Variants in MYOM1 observed in about 807,000 individuals in gnomAD.
MYOM1 encodes the protein myomesin-1.
In MYOM1, 164 loss-of-function variants were observed where a neutral mutation model predicts 205.3. The ratio of observed to expected loss-of-function variants is 0.80; its 90% CI spans 0.70 to 0.91. MYOM1 has a LOEUF of 0.91. Ranked by LOEUF, MYOM1 falls within the 40% of genes least tolerant of loss-of-function variation. The probability of loss-of-function intolerance (pLI) is 0.00; values close to 1 mark genes in which losing one functional copy is unlikely to be tolerated. For missense variants in MYOM1, 2,011 were observed against 2,127.3 expected, an observed-to-expected ratio of 0.95 and a Z score of 1.08; for synonymous variants, 772 against 789.4, an observed-to-expected ratio of 0.98 and a Z score of 0.37.
At chr18:3,202,837 A>G (rs759218879) in intron 2 of MYOM1, among the ~76,000 whole-genome samples, 8 of 152,084 alleles carry the variant, frequency 5.3e-5, no homozygotes, top group Non-Finnish European at 7.4e-5. Flanking sequence ...TGAGTACTTT[A>G]CCCAAGGACG....
At chr18:3,094,637 CTTTTGGTTGGT>C (rs1467072921) in intron 25 of MYOM1, among the ~76,000 whole-genome samples, 1 of 151,432 alleles carries the variant, frequency 6.6e-6, no homozygotes, top group Non-Finnish European at 1.5e-5. Flanking sequence ...TCTACTGTGG[CTTTTGGTTGGT>C]GTTTTTTCTT....
In MYOM1 at chr18:3,135,325, G is replaced by A. The variant is rs1461182765; in HGVS notation, c.2209+222C>T. The A allele has an allele frequency of 4.4e-6, 2 of 456,110 alleles. No individual in the cohort carries two copies. Among genetic ancestry groups the A allele is most frequent in the East Asian group, 3.6e-5 (1 of 27,756 alleles). The allele number at this position is 456,110 out of a possible 1,614,324, so 28.3% of individuals were successfully genotyped here. ...ATAAACTAAATGTCCATGAACTTCA[G>A]AAAAAACACATTATCAATATTGTTG... On this transcript the variant is annotated intron_variant, in intron 15 of 37. Coordinates refer to ENST00000356443, the MANE Select transcript of MYOM1 (RefSeq NM_003803.4). The surrounding 1 kb of genome is among the most constrained non-coding windows in gnomAD (Gnocchi z 4.1).
At chr18:3,170,140 T>G (rs1020814703) in intron 8 of MYOM1, among the ~76,000 whole-genome samples, 1 of 152,180 alleles carries the variant, frequency 6.6e-6, no homozygotes, top group Non-Finnish European at 1.5e-5. Flanking sequence ...TACCAGAGGC[T>G]GGGAACTGTA....
In MYOM1 at chr18:3,187,585, T is replaced by G. The variant is rs1347252993; in HGVS notation, c.824A>C (p.His275Pro). The change falls in exon 5 of 38, where the codon CAT (histidine) becomes CCT (proline). Residue 275 changes from histidine (H) to proline (P), a missense_variant. Coordinates refer to ENST00000356443, the MANE Select transcript of MYOM1 (RefSeq NM_003803.4). ...HAKLNEDHLL[H>P]APEFIIKPRS... ...AGGTTTAATGATAAACTCAGGAGCA[T>G]GGAGAAGATGGTCTTCATTCAGCTT... The G allele has an allele frequency of 1.2e-6, 2 of 1,613,502 alleles. No individual in the cohort carries two copies. The highest frequency in any genetic ancestry group is 2.2e-5 in the East Asian group (1 of 44,854).
intron 13 of MYOM1, among the ~76,000 whole-genome samples, chr18:3,147,112 TTA>T (rs2080137354): frequency 7.1e-6 from 1 of 140,452 alleles, no homozygotes; most frequent in African/African-American, 2.5e-5. Flanking sequence ...ATATATATAT[TTA>T]TATATAAATA....
At chr18:3,147,597 A>G (rs867192772) in intron 13 of MYOM1, among the ~76,000 whole-genome samples, 15 of 152,342 alleles carry the variant, frequency 9.8e-5, no homozygotes, top group Middle Eastern at 3.4e-3. Flanking sequence ...TATATATGAA[A>G]AAATGAAGCT....
intron 9 of MYOM1, among the ~76,000 whole-genome samples, chr18:3,164,955 A>C (rs2080446563): frequency 3.1e-5 from 1 of 32,670 alleles, no homozygotes; most frequent in Non-Finnish European, 6.1e-5. Flanking sequence ...TTAAATCAAT[A>C]TAATCAAAAG....
chr18:3,171,961 G>T (rs1320873495), intron 8 of MYOM1, among the ~76,000 whole-genome samples: 1 of 152,152 alleles, frequency 6.6e-6, no homozygotes, highest in East Asian at 1.9e-4. Flanking sequence ...AAAAAGACCA[G>T]GTTACACATC....
intron 10 of MYOM1, among the ~76,000 whole-genome samples, chr18:3,159,074 GAA>G (rs200316362): frequency 6.7e-6 from 1 of 149,656 alleles, no homozygotes; most frequent in African/African-American, 2.5e-5. Context: ...AACAGAGTGT[GAA>G]AAAAAAAGAA....
chr18:3,214,926 C>A lies in MYOM1; in HGVS notation c.290+8G>T, dbSNP rs138605134. ...GGTTGGAAGGTTGGAGGAGGGCGTC[C>A]GACATACCCATGGGAGGAGCCATAA... On this transcript the variant is annotated splice_region_variant and intron_variant, in intron 2 of 37. Coordinates refer to ENST00000356443, the MANE Select transcript of MYOM1 (RefSeq NM_003803.4). 3 of 1,574,128 alleles carry A rather than the reference C, an allele frequency of 1.9e-6. No homozygotes were observed. The South Asian group carries it at 3.5e-5, about 18-fold the overall frequency.
chr18:3,180,992 T>C (rs1219373645), intron 5 of MYOM1, among the ~76,000 whole-genome samples: 3 of 151,528 alleles, frequency 2.0e-5, no homozygotes, highest in Non-Finnish European at 4.4e-5. Flanking sequence ...AGTGGCACGA[T>C]CTGTGCTCAC....
intron 37 of MYOM1, among the ~76,000 whole-genome samples, chr18:3,071,218 C>G (rs1169597534): frequency 1.3e-5 from 2 of 152,118 alleles, no homozygotes; most frequent in Non-Finnish European, 2.9e-5. Context: ...TTTTATTTGT[C>G]ATAGAGTTAA....
At chr18:3,223,314 G>A (rs748611644), upstream of MYOM1, among the ~76,000 whole-genome samples, 11 of 152,064 alleles carry the variant, frequency 7.2e-5, no homozygotes, top group Non-Finnish European at 1.5e-4. Context: ...ACCATTATGA[G>A]GACTTATATC....
chr18:3,161,664 A>G (rs2080392811), intron 10 of MYOM1, among the ~76,000 whole-genome samples: 2 of 152,212 alleles, frequency 1.3e-5, no homozygotes, highest in Admixed American at 1.3e-4. Flanking sequence ...ACTTTCACAT[A>G]CAGGAGAGAA....
At position 3,179,205 on chromosome 18, in the gene MYOM1, G is replaced by T. The variant is rs2080693016; in HGVS notation, c.930-3071C>A. Among the ~76,000 whole-genome samples, 1 of 152,080 alleles carries T rather than the reference G, an allele frequency of 6.6e-6. No individual in the cohort carries two copies. The highest frequency in any genetic ancestry group is 1.9e-4 in the East Asian group (1 of 5,200). On this transcript the variant is annotated intron_variant, in intron 5 of 37. Coordinates refer to ENST00000356443, the MANE Select transcript of MYOM1 (RefSeq NM_003803.4). This position sits in a 1 kb window ranked among gnomAD's most constrained non-coding sequence, Gnocchi z 4.4. ...TACTTCTATTCCTACTCCTGAGGAA[G>T]AATGAGTCATGGGCAAACAGCAGGC...
Position 3,141,288 on chromosome 18 carries a change from G to A in MYOM1, c.2025+651C>T, listed in dbSNP as rs182986895. On this transcript the variant is annotated intron_variant, in intron 14 of 37. Transcript: ENST00000356443. ...CGGATATGTGTTTGATTCACATACC[G>A]TTCTCCTTCATTCCACCCATTCTGG... Among the ~76,000 whole-genome samples the A allele has an allele frequency of 3.4e-4, 52 of 152,298 alleles. No homozygotes were observed. In the East Asian group the frequency reaches 6.7e-3, roughly 20 times the overall value.
chr18:3,201,985 C>T (rs547190891), intron 2 of MYOM1, among the ~76,000 whole-genome samples: 1 of 152,180 alleles, frequency 6.6e-6, no homozygotes, highest in South Asian at 2.1e-4. Flanking sequence ...GTATAAAATA[C>T]TTATTGCATT....
chr18:3,207,144 C>T (rs1317432385), intron 2 of MYOM1, among the ~76,000 whole-genome samples: 1 of 152,000 alleles, frequency 6.6e-6, no homozygotes, highest in Non-Finnish European at 1.5e-5. Flanking sequence ...TAGTGTATAG[C>T]CATGATATAA....
chr18:3,229,025 C>A, the MYOM1 span, among the ~76,000 whole-genome samples: 1 of 152,180 alleles, frequency 6.6e-6, no homozygotes, highest in African/African-American at 2.4e-5. Flanking sequence ...TAATTTGTTA[C>A]CTGGTCTCTA....
Sources: allele counts gnomAD v4.1 joint callset (sites outside exome capture counted in the v4.1 genomes callset), GRCh38; gene constraint gnomAD v4.1.1; non-coding constraint Gnocchi (gnomAD v3.1); transcripts MANE v1.5; gene names NCBI Gene and HGNC (gene_info 2026-07-23, HGNC 2026-07-21).